NHSL3: variants seen among roughly 807,000 people sequenced by gnomAD.
The protein encoded by NHSL3 is NHS like 3.
At chr1:32,772,296 C>CCCGAA in the NHSL3 span, 1 of 1,541,730 alleles carries the variant, frequency 6.5e-7, no homozygotes, top group Non-Finnish European at 9.0e-7. Flanking sequence ...CCGCCTCCCC[C>CCCGAA]AGTTACCCTC....
At chr1:32,742,685 GCA>G in the NHSL3 span, among the ~76,000 whole-genome samples, 1 of 152,258 alleles carries the variant, frequency 6.6e-6, no homozygotes, top group Non-Finnish European at 1.5e-5. Flanking sequence ...CTCACATGGA[GCA>G]CAGTGTGCCC....
At chr1:32,742,200 C>G in the NHSL3 span, 3 of 1,247,082 alleles carry the variant, frequency 2.4e-6, no homozygotes, top group Non-Finnish European at 3.0e-6. Flanking sequence ...GTAAGGCGGT[C>G]GGCACCTGGG....
chr1:32,756,586 G>A, the NHSL3 span, among the ~76,000 whole-genome samples: 1 of 149,320 alleles, frequency 6.7e-6, no homozygotes, highest in Non-Finnish European at 1.5e-5. Context: ...GTGAGCCTGG[G>A]AGGTCAAGGC....
chr1:32,750,837 A>C, the NHSL3 span, among the ~76,000 whole-genome samples: 1 of 135,272 alleles, frequency 7.4e-6, no homozygotes, highest in African/African-American at 2.8e-5. Context: ...TTTTTGAGAC[A>C]GTCTCGCTGT....
At chr1:32,749,293 A>G in the NHSL3 span, among the ~76,000 whole-genome samples, 1 of 152,098 alleles carries the variant, frequency 6.6e-6, no homozygotes, top group East Asian at 1.9e-4. Context: ...GGATCCAGGG[A>G]TTGCTGTACC....
At chr1:32,762,868 A>T in the NHSL3 span, among the ~76,000 whole-genome samples, 1 of 151,044 alleles carries the variant, frequency 6.6e-6, no homozygotes, top group African/African-American at 2.4e-5. Flanking sequence ...GATTACAGGC[A>T]TGGGCCACCA....
the NHSL3 span, among the ~76,000 whole-genome samples, chr1:32,744,286 T>C: frequency 6.6e-6 from 1 of 152,186 alleles, no homozygotes. Context: ...AAAACTGAGC[T>C]TGTCATGGAG....
At chr1:32,771,356 AC>A in the NHSL3 span, 1 of 1,592,876 alleles carries the variant, frequency 6.3e-7, no homozygotes, top group Non-Finnish European at 8.6e-7. Flanking sequence ...ATCTCCAAAG[AC>A]CAGTCACCCC....
chr1:32,771,598 GGCTCCCCAGAGCTTGTCA>G, the NHSL3 span: 1 of 1,612,966 alleles, frequency 6.2e-7, no homozygotes, highest in African/African-American at 1.3e-5. Flanking sequence ...AGGCCCTTCA[GGCTCCCCAGAGCTTGTCA>G]GCTCCCCGGC....
chr1:32,742,082 G>A, the NHSL3 span: 5 of 1,256,090 alleles, frequency 4.0e-6, no homozygotes, highest in South Asian at 1.5e-4. Flanking sequence ...TGGCTGCGGG[G>A]CAAGCGGCGC....
chr1:32,747,093 G>A, the NHSL3 span, among the ~76,000 whole-genome samples: 1 of 152,126 alleles, frequency 6.6e-6, no homozygotes, highest in Admixed American at 6.6e-5. Context: ...AGAGAACCCT[G>A]AGTTTGAGTT....
the NHSL3 span, chr1:32,774,947 T>C: frequency 6.6e-6 from 1 of 152,596 alleles, no homozygotes; most frequent in Non-Finnish European, 1.5e-5. Context: ...CATTTAAAGA[T>C]GTTAATTAAA....
the NHSL3 span, among the ~76,000 whole-genome samples, chr1:32,750,205 ATC>A: frequency 6.6e-6 from 1 of 151,996 alleles, no homozygotes. Flanking sequence ...GAGGAGTGAA[ATC>A]TCTGTCCGCC....
At chr1:32,770,340 A>G in the NHSL3 span, 9 of 1,611,510 alleles carry the variant, frequency 5.6e-6, no homozygotes, top group Admixed American at 1.7e-5. The surrounding 1 kb of genome is among the most constrained non-coding windows in gnomAD (Gnocchi z 8.3). Context: ...CGGCCAGCCC[A>G]GCCTCAGTCC....
the NHSL3 span, chr1:32,742,103 C>G: frequency 8.0e-7 from 1 of 1,249,960 alleles, no homozygotes; most frequent in Non-Finnish European, 1.0e-6. Flanking sequence ...AAGAAGAAGG[C>G]GGCGGGGGCC....
chr1:32,751,459 C>G, the NHSL3 span, among the ~76,000 whole-genome samples: 1 of 152,164 alleles, frequency 6.6e-6, no homozygotes, highest in Non-Finnish European at 1.5e-5. Context: ...TCAAAGGAGT[C>G]AGACAATCAC....
At chr1:32,768,640 C>G in the NHSL3 span, 1 of 1,614,040 alleles carries the variant, frequency 6.2e-7, no homozygotes, top group Non-Finnish European at 8.5e-7. Context: ...AGATCTCCTT[C>G]TACCCTGATA....
chr1:32,742,638 C>G, the NHSL3 span, among the ~76,000 whole-genome samples: 1 of 152,264 alleles, frequency 6.6e-6, no homozygotes, highest in East Asian at 1.9e-4. Context: ...AGAGTTTCAG[C>G]TCCAGCTGGA....
the NHSL3 span, among the ~76,000 whole-genome samples, chr1:32,764,946 G>A: frequency 6.6e-6 from 1 of 152,202 alleles, no homozygotes; most frequent in Non-Finnish European, 1.5e-5. Flanking sequence ...TGGTGATCCA[G>A]GACAGAATCA....
Sources: gnomAD v4.1 joint callset for allele counts (sites outside exome capture counted in the v4.1 genomes callset) on GRCh38, gnomAD v4.1.1 for gene constraint, Gnocchi (gnomAD v3.1) non-coding constraint, MANE v1.5 for transcripts, NCBI Gene and HGNC (gene_info 2026-07-23, HGNC 2026-07-21) for gene names.